The following KIAA1217 variants were observed in gnomAD, a reference collection of about 807,000 sequenced individuals.
The protein encoded by KIAA1217 is sickle tail protein homolog.
In KIAA1217, 88 loss-of-function variants were observed where a neutral mutation model predicts 163.9. The ratio of observed to expected loss-of-function variants is 0.54; its 90% CI spans 0.45 to 0.64. The LOEUF (loss-of-function observed/expected upper bound fraction) is 0.64, where lower values mean the gene tolerates loss of function less well. Ranked by LOEUF, KIAA1217 falls within the 30% of genes least tolerant of loss-of-function variation. KIAA1217 has a pLI of 0.00. For missense variants in KIAA1217, 2,372 were observed against 2,475.0 expected, an observed-to-expected ratio of 0.96 and a Z score of 0.88; for synonymous variants, 903 against 923.1, an observed-to-expected ratio of 0.98 and a Z score of 0.39.
chr10:24,216,398 A>G (rs962378313), intron 1 of KIAA1217, among the ~76,000 whole-genome samples: 7 of 152,226 alleles, frequency 4.6e-5, no homozygotes, highest in African/African-American at 1.7e-4. Context: ...GTGTGTATGT[A>G]GACAGATGTG....
intron 2 of KIAA1217, among the ~76,000 whole-genome samples, chr10:24,253,475 A>C (rs1352827691): frequency 1.3e-5 from 2 of 152,178 alleles, no homozygotes; most frequent in African/African-American, 2.4e-5. Flanking sequence ...TGTTCTTGTC[A>C]TTAACTCAAA....
chr10:24,056,705 A>G (rs77617555), intron 2 of KIAA1217, among the ~76,000 whole-genome samples: 3,746 of 152,268 alleles, frequency 0.025, 148 homozygotes, highest in African/African-American at 0.086. Context: ...CACTGAATAC[A>G]TAAGGAAACA....
rs778505984 is a variant in KIAA1217 at position 24,546,001 on chromosome 10, T to C, written c.5509T>C (p.Ser1837Pro). 9 of 1,614,012 alleles carry C rather than the reference T, an allele frequency of 5.6e-6. No homozygotes were observed. Among genetic ancestry groups the C allele is most frequent in the African/African-American group, 1.3e-5 (1 of 74,904 alleles). The stretch of plus-strand genomic sequence containing the variant: ...ACCTGCTACTAAACCATCGATTGCT[T>C]CTAACCCTCTCAGCCCCCAAACAGG... Reference protein sequence around the residue: ...NPPATKPSIASNPLSPQTGPP... With the variant: ...NPPATKPSIAPNPLSPQTGPP... The change falls in exon 21 of 21, where the codon TCT becomes CCT. Residue 1837 changes from serine (S) to proline (P), a missense_variant. Transcript: ENST00000376454.
Position 24,360,479 on chromosome 10 carries a change from T to C in KIAA1217, c.355-20390T>C, listed in dbSNP as rs562806369. ...GACTTGCAGCAATCAAGCCTCTCCC[T>C]TCTATCGTGGGCTTTAACTATGCAA... On this transcript the variant is annotated intron_variant, in intron 2 of 20. Coordinates refer to ENST00000376454, the MANE Select transcript of KIAA1217 (RefSeq NM_019590.5). 2.6e-5 allele frequency among the ~76,000 whole-genome samples: 4 copies of C among 152,320 alleles called. No homozygotes were observed. The East Asian group carries it at 7.7e-4, about 29-fold the overall frequency.
intron 2 of KIAA1217, among the ~76,000 whole-genome samples, chr10:24,075,577 T>C (rs910133432): frequency 3.3e-5 from 5 of 151,916 alleles, no homozygotes; most frequent in African/African-American, 1.2e-4. Context: ...AAAATGCTAG[T>C]TCTGTCTCCA....
At chr10:24,107,393 T>C (rs966128662) in intron 2 of KIAA1217, among the ~76,000 whole-genome samples, 1 of 152,268 alleles carries the variant, frequency 6.6e-6, no homozygotes, top group Non-Finnish European at 1.5e-5. Context: ...CCTTTGAGTA[T>C]GTGCCCAGTA....
At chr10:24,367,240 C>T in intron 2 of KIAA1217, 1 of 781,500 alleles carries the variant, frequency 1.3e-6, no homozygotes, top group Non-Finnish European at 1.6e-6. Context: ...CGAGTTGCAC[C>T]CTCATCCTGC....
intron 5 of KIAA1217, among the ~76,000 whole-genome samples, chr10:24,460,423 G>C (rs757334603): frequency 6.6e-6 from 1 of 152,146 alleles, no homozygotes; most frequent in African/African-American, 2.4e-5. Flanking sequence ...CTGAACCCAG[G>C]AAGAATGGGC....
chr10:24,216,691 G>A (rs541642104), intron 1 of KIAA1217, among the ~76,000 whole-genome samples: 4 of 151,572 alleles, frequency 2.6e-5, no homozygotes, highest in Non-Finnish European at 4.4e-5. Flanking sequence ...GCCGGGCATG[G>A]TTGCGCACGG....
chr10:24,288,309 T>C lies in KIAA1217; in HGVS notation c.354+68400T>C, dbSNP rs78590407. On this transcript the variant is annotated intron_variant, in intron 2 of 20. Coordinates refer to ENST00000376454, the MANE Select transcript of KIAA1217 (RefSeq NM_019590.5). Reference sequence around the variant, plus strand: ...TTTTATAGACTAGTAAACTGAGTTATATGATTTTGGTGAATTTAAGCTTCC... The same window carrying C: ...TTTTATAGACTAGTAAACTGAGTTACATGATTTTGGTGAATTTAAGCTTCC... Among the ~76,000 whole-genome samples the C allele has an allele frequency of 9.5e-3, 1,453 of 152,360 alleles. 29 individuals are homozygous for C. The highest frequency in any genetic ancestry group is 0.084 in the East Asian group (436 of 5,182).
At chr10:23,800,898 A>G (rs900268674) in intron 1 of KIAA1217, among the ~76,000 whole-genome samples, 6 of 152,192 alleles carry the variant, frequency 3.9e-5, no homozygotes, top group Admixed American at 2.0e-4. Context: ...TAGTTCAACC[A>G]TTGTGGAACA....
chr10:24,294,069 G>C (rs370703291), intron 2 of KIAA1217, among the ~76,000 whole-genome samples: 39 of 151,622 alleles, frequency 2.6e-4, no homozygotes, highest in African/African-American at 8.7e-4. Context: ...GCAGGCGCCT[G>C]TAGTCCCAGC....
At chr10:23,700,984 G>A (rs1836412738) in intron 1 of KIAA1217, among the ~76,000 whole-genome samples, 1 of 151,994 alleles carries the variant, frequency 6.6e-6, no homozygotes. Flanking sequence ...CCACATAGAA[G>A]GTAGTCTGTA....
Position 24,219,760 on chromosome 10 carries a change from CT to C in KIAA1217, c.206del (p.Leu69GlnfsTer26). On this transcript the variant is annotated frameshift_variant, in exon 2 of 21. Coordinates refer to ENST00000376454, the MANE Select transcript of KIAA1217 (RefSeq NM_019590.5). LOFTEE classifies it high-confidence loss of function. The part of the protein sequence containing the change: ...SSRNIPRRHT[L>X]GGPRSSKEIL... The stretch of plus-strand genomic sequence containing the variant: ...CCGCAATATCCCAAGGAGACACACC[CT>C]AGGGGGGCCCCGAAGTTCCAAGGAA... 6.2e-7 allele frequency: 1 copy of C among 1,613,770 alleles called. No homozygotes were observed. The highest frequency in any genetic ancestry group is 8.5e-7 in the Non-Finnish European group (1 of 1,179,828).
At position 24,242,870 on chromosome 10, in the gene KIAA1217, G is replaced by T. The variant is rs568579944; in HGVS notation, c.354+22961G>T. Among the ~76,000 whole-genome samples, 11 of 152,158 alleles carry T rather than the reference G, an allele frequency of 7.2e-5. No homozygotes were observed. In the South Asian group the frequency reaches 1.9e-3, roughly 26 times the overall value. Reference sequence around the variant, plus strand: ...GGAGCATTTTTTCATATGTTTGTTGGCTTCTTGTATGTCTTCTTTTCAGAA... The same window carrying T: ...GGAGCATTTTTTCATATGTTTGTTGTCTTCTTGTATGTCTTCTTTTCAGAA... On this transcript the variant is annotated intron_variant, in intron 2 of 20. Coordinates refer to ENST00000376454, the MANE Select transcript of KIAA1217 (RefSeq NM_019590.5).
intron 2 of KIAA1217, among the ~76,000 whole-genome samples, chr10:24,119,859 G>A (rs763411078): frequency 3.9e-5 from 6 of 152,192 alleles, no homozygotes; most frequent in Non-Finnish European, 8.8e-5. Flanking sequence ...ACATTAAAAT[G>A]ATCTGTGCTT....
intron 2 of KIAA1217, among the ~76,000 whole-genome samples, chr10:24,197,154 G>A (rs558590081): frequency 3.9e-5 from 6 of 152,288 alleles, no homozygotes. Context: ...TGACCTTTTA[G>A]TTAAACTAAT....
At chr10:24,336,210 C>G (rs571702899) in intron 2 of KIAA1217, among the ~76,000 whole-genome samples, 14 of 152,098 alleles carry the variant, frequency 9.2e-5, no homozygotes, top group African/African-American at 2.9e-4. Flanking sequence ...CCATTGCACT[C>G]CAGCCTGGGC....
At chr10:23,872,159 G>A (rs1211673641) in intron 1 of KIAA1217, among the ~76,000 whole-genome samples, 1 of 152,050 alleles carries the variant, frequency 6.6e-6, no homozygotes, top group Admixed American at 6.6e-5. Flanking sequence ...GCAGCAGAGT[G>A]AGACTAGGGG....
Sources: gnomAD v4.1 joint callset for allele counts (sites outside exome capture counted in the v4.1 genomes callset) on GRCh38, gnomAD v4.1.1 for gene constraint, MANE v1.5 for transcripts, NCBI Gene and HGNC (gene_info 2026-07-23, HGNC 2026-07-21) for gene names.